Variants in HMSD observed in about 807,000 individuals in gnomAD.
HMSD encodes the protein serpin-like protein HMSD.
In HMSD, 13 loss-of-function variants were observed where a neutral mutation model predicts 10.0. The ratio of observed to expected loss-of-function variants is 1.31; its 90% CI spans 0.85 to 2.08. HMSD has a LOEUF of 2.08. Among genes scored for constraint, HMSD ranks in the 30% most tolerant of loss-of-function variants. HMSD has a pLI of 0.00. For missense variants in HMSD, 169 were observed against 166.3 expected (o/e 1.02, Z -0.09); for synonymous variants, 51 against 54.2 (o/e 0.94, Z 0.26).
chr18:63,962,774 T>C (rs572712738), downstream of HMSD, among the ~76,000 whole-genome samples: 4 of 152,280 alleles, frequency 2.6e-5, 1 homozygote, highest in East Asian at 7.7e-4. Flanking sequence ...AGTACCTTCA[T>C]GAAGTACCCC....
downstream of HMSD, among the ~76,000 whole-genome samples, chr18:63,963,347 A>G (rs55688455): frequency 0.037 from 5,515 of 150,236 alleles, 162 homozygotes; most frequent in Non-Finnish European, 0.056. Flanking sequence ...GCTCATTGCA[A>G]CCTCCACCTC....
chr18:63,952,076 G>A (rs1230677323), intron 1 of HMSD, among the ~76,000 whole-genome samples: 4 of 146,246 alleles, frequency 2.7e-5, no homozygotes, highest in Non-Finnish European at 4.5e-5. Context: ...ACTCATAGGT[G>A]GGAATTGAAC....
chr18:63,963,461 C>T (rs542231431), downstream of HMSD, among the ~76,000 whole-genome samples: 138 of 152,234 alleles, frequency 9.1e-4, no homozygotes, highest in African/African-American at 3.2e-3. Flanking sequence ...GAACTCCTGT[C>T]CTCGTGATCC....
chr18:63,960,069 T>C, intron 3 of HMSD, 89 bp from the exon 4 acceptor site: 1 of 1,224,764 alleles, frequency 8.2e-7, no homozygotes, highest in Middle Eastern at 2.4e-4. Context: ...CATAAAATTA[T>C]TGATTTTCTG....
chr18:63,955,128 G>T (rs1024176847), intron 3 of HMSD, among the ~76,000 whole-genome samples: 4 of 152,154 alleles, frequency 2.6e-5, no homozygotes, highest in Admixed American at 2.6e-4. Context: ...CCTTTTTAAC[G>T]TTAGAGCTTT....
chr18:63,967,168 C>T (rs966413753), intron 3 of HMSD, among the ~76,000 whole-genome samples: 12 of 152,274 alleles, frequency 7.9e-5, no homozygotes, highest in African/African-American at 1.9e-4. Context: ...GAGACAGTCT[C>T]GCTCTGTTGC....
chr18:63,951,283 G>GT (rs1188399719), intron 1 of HMSD, among the ~76,000 whole-genome samples: 2 of 152,142 alleles, frequency 1.3e-5, no homozygotes, highest in Non-Finnish European at 2.9e-5. Flanking sequence ...TGTTAGCAGT[G>GT]TGCTTTAAAG....
chr18:63,963,075 T>TTCTTTTCTTTC (rs1568261255), downstream of HMSD, among the ~76,000 whole-genome samples: 59 of 26,786 alleles, frequency 2.2e-3, no homozygotes, highest in African/African-American at 6.1e-3. Flanking sequence ...TTCTTTCTCT[T>TTCTTTTCTTTC]TCTTTCTTTC....
intron 3 of HMSD, among the ~76,000 whole-genome samples, chr18:63,957,480 T>G (rs2050365277): frequency 6.6e-6 from 1 of 152,160 alleles, no homozygotes; most frequent in Non-Finnish European, 1.5e-5. Flanking sequence ...GTAGAGGATA[T>G]CTCTCTTACT....
intron 1 of HMSD, among the ~76,000 whole-genome samples, chr18:63,951,560 G>A (rs966300579): frequency 6.6e-6 from 1 of 152,170 alleles, no homozygotes; most frequent in African/African-American, 2.4e-5. Context: ...TTTGGTGGGA[G>A]GGGAATTTGC....
Position 63,969,583 on chromosome 18 carries a change from A to C in HMSD, n.313-8716A>C, listed in dbSNP as rs1181968099. On this transcript the variant is annotated intron_variant and non_coding_transcript_variant, in intron 3 of 5. Coordinates refer to the HMSD transcript ENST00000481726. ...GTTAGAGATTTTGAAGAAATAAGTT[A>C]AAAGTTGAAACATGAACCTATGGAT... is the stretch of plus-strand genomic sequence containing the variant. 3 of 152,208 alleles carry C rather than the reference A, an allele frequency of 2.0e-5. No individual in the cohort carries two copies. In the East Asian group the frequency reaches 5.8e-4, roughly 29 times the overall value. 9.4% of individuals were successfully genotyped at this position (152,208 alleles called of 1,614,324 possible). A position where few individuals can be genotyped will look rare whatever the true frequency, so the allele number is the denominator to read the frequency against.
chr18:63,952,279 G>T (rs1036572496), intron 1 of HMSD, among the ~76,000 whole-genome samples: 1 of 142,980 alleles, frequency 7.0e-6, no homozygotes, highest in Admixed American at 6.7e-5. Context: ...AAAACTTAAA[G>T]TATAATAATA....
chr18:63,963,514 C>T (rs1158410715), downstream of HMSD, among the ~76,000 whole-genome samples: 2 of 152,162 alleles, frequency 1.3e-5, no homozygotes, highest in Admixed American at 1.3e-4. Context: ...AGACATGAGC[C>T]ACCGCACCAG....
rs776706888 is a variant in HMSD at position 63,953,411 on chromosome 18, GA to G, written c.-40del. On this transcript the variant is annotated 5_prime_UTR_variant, in exon 2 of 4. An upstream open reading frame in the 5' UTR gains an earlier in-frame stop. Coordinates refer to ENST00000408945, the MANE Select transcript of HMSD (RefSeq NM_001123366.2). ...ATGGCACATTTGCATTAAACCTTTT[GA>G]AAAAGCTAGGGGAAAACAACTCAAA... 1 of 1,522,158 alleles carries G rather than the reference GA, an allele frequency of 6.6e-7. No homozygotes were observed. Among genetic ancestry groups the G allele is most frequent in the Non-Finnish European group, 9.1e-7 (1 of 1,101,590 alleles). The allele number at this position is 1,522,158 out of a possible 1,614,324, so 94.3% of individuals were successfully genotyped here. A position where few individuals can be genotyped will look rare whatever the true frequency, so the allele number is the denominator to read the frequency against.
intron 3 of HMSD, 96 bp from the exon 4 acceptor site, chr18:63,960,061 TA>T: frequency 1.7e-6 from 2 of 1,194,898 alleles, no homozygotes; most frequent in South Asian, 1.4e-5. Flanking sequence ...TGGTAAATCA[TA>T]AAATTATTGA....
downstream of HMSD, among the ~76,000 whole-genome samples, chr18:63,962,316 T>C (rs941065564): frequency 1.3e-5 from 2 of 152,186 alleles, no homozygotes; most frequent in African/African-American, 2.4e-5. Flanking sequence ...AGAAAAGCCA[T>C]GAGTAATCTC....
At chr18:63,963,105 CTT>C (rs1328986984), downstream of HMSD, among the ~76,000 whole-genome samples, 2 of 130,800 alleles carry the variant, frequency 1.5e-5, no homozygotes, top group African/African-American at 3.3e-5. Flanking sequence ...TTCTTTCTTT[CTT>C]TCTTTCTTTC....
At chr18:63,953,275 T>C in intron 1 of HMSD, 79 bp from the exon 2 acceptor site, 1 of 542,272 alleles carries the variant, frequency 1.8e-6, no homozygotes. Flanking sequence ...TCCATTTAAC[T>C]AGTAATAAAT....
intron 3 of HMSD, 54 bp downstream of exon 3, chr18:63,954,611 G>T: frequency 6.6e-7 from 1 of 1,504,976 alleles, no homozygotes; most frequent in Non-Finnish European, 9.2e-7. Flanking sequence ...GTGGGAAGTA[G>T]GAGAATGAAT....
Sources: gnomAD v4.1 joint callset for allele counts (sites outside exome capture counted in the v4.1 genomes callset) on GRCh38, gnomAD v4.1.1 for gene constraint, MANE v1.5 for transcripts, NCBI Gene and HGNC (gene_info 2026-07-23, HGNC 2026-07-21) for gene names.